The following SPPL3 variants were observed in gnomAD, a reference collection of about 807,000 sequenced individuals.
The protein encoded by SPPL3 is signal peptide peptidase like 3, also known as signal peptide peptidase-like 3.
A neutral mutation model predicts 42.4 loss-of-function variants in SPPL3; 5 were observed. The ratio of observed to expected loss-of-function variants is 0.12; its 90% CI spans 0.06 to 0.25. SPPL3 has a LOEUF of 0.25. Among genes scored for constraint, SPPL3 ranks in the 10% least tolerant of loss-of-function variants. The pLI is 1.00. For synonymous variants in SPPL3, 195 were observed against 181.8 expected, an observed-to-expected ratio of 1.07 and a Z score of -0.58; for missense variants, 235 against 489.0, an observed-to-expected ratio of 0.48 and a Z score of 4.90.
chr12:120,765,094 G>C lies in SPPL3; in HGVS notation c.1084-24C>G, dbSNP rs201368977. ...CCCTGGGAAACAAGGGACTTTCTAA[G>C]TTACAGATTTAAACATGAGGCACAC... On this transcript the variant is annotated intron_variant, in intron 10 of 10. Coordinates refer to ENST00000353487, the MANE Select transcript of SPPL3 (RefSeq NM_139015.5). 222 of 1,611,310 alleles carry C rather than the reference G, an allele frequency of 1.4e-4. 1 individual carries two copies. Among genetic ancestry groups the C allele is most frequent in the Admixed American group, 3.7e-4 (22 of 59,744 alleles).
intron 1 of SPPL3, among the ~76,000 whole-genome samples, chr12:120,842,718 G>A (rs573989022): frequency 2.0e-5 from 3 of 152,096 alleles, no homozygotes; most frequent in South Asian, 2.1e-4. Context: ...TCCCATTAAC[G>A]AGGGCTGTGC....
rs544876376 is a variant in SPPL3 at position 120,794,818 on chromosome 12, T to C, written c.102-3261A>G. 2.6e-5 allele frequency among the ~76,000 whole-genome samples: 4 copies of C among 152,324 alleles called. No homozygotes were observed. In the South Asian group the frequency reaches 8.3e-4, roughly 32 times the overall value. On this transcript the variant is annotated intron_variant, in intron 2 of 10. Transcript: ENST00000353487. Reference sequence around the variant, plus strand: ...TGTCCTATTTTATTTCCCCTTAACCTGACTTTGTTTGGATTAATATAGCAT... The same window carrying C: ...TGTCCTATTTTATTTCCCCTTAACCCGACTTTGTTTGGATTAATATAGCAT...
intron 2 of SPPL3, among the ~76,000 whole-genome samples, chr12:120,795,488 T>A (rs1293194397): frequency 3.3e-5 from 5 of 152,216 alleles, no homozygotes; most frequent in African/African-American, 4.8e-5. Context: ...TTAAAAGATA[T>A]TTTTGCTGTA....
At chr12:120,894,048 G>A (rs1295754410) in intron 1 of SPPL3, among the ~76,000 whole-genome samples, 1 of 152,146 alleles carries the variant, frequency 6.6e-6, no homozygotes, top group Non-Finnish European at 1.5e-5. Flanking sequence ...AGGGGGCCGG[G>A]TGCAGTGGGT....
chr12:120,881,482 A>AAAGAG (rs140589231), intron 1 of SPPL3, among the ~76,000 whole-genome samples: 2 of 128,004 alleles, frequency 1.6e-5, no homozygotes, highest in African/African-American at 5.4e-5. Flanking sequence ...AAAAAAAAAA[A>AAAGAG]AAGAGAAGAG....
chr12:120,838,353 TA>T (rs1356179680), intron 1 of SPPL3, among the ~76,000 whole-genome samples: 3 of 151,920 alleles, frequency 2.0e-5, no homozygotes, highest in Non-Finnish European at 4.4e-5. Context: ...CTTCCTCTCC[TA>T]GGAGAACCCT....
At chr12:120,773,663 T>C (rs1418124713) in intron 6 of SPPL3, among the ~76,000 whole-genome samples, 1 of 152,212 alleles carries the variant, frequency 6.6e-6, no homozygotes, top group Non-Finnish European at 1.5e-5. Context: ...TCTTGCTCTG[T>C]CGCCCACGCT....
intron 1 of SPPL3, among the ~76,000 whole-genome samples, chr12:120,889,800 TG>T (rs34133865): frequency 0.4 from 60,366 of 152,054 alleles, 14,036 homozygotes; most frequent in Middle Eastern, 0.56. Context: ...GTGATTGTTA[TG>T]AAGGTAGGTC....
intron 2 of SPPL3, among the ~76,000 whole-genome samples, chr12:120,805,815 T>C (rs1041753040): frequency 3.3e-5 from 5 of 152,184 alleles, no homozygotes; most frequent in Admixed American, 6.5e-5. Flanking sequence ...GTGCAAGCCT[T>C]GCACACTGAA....
chr12:120,867,426 G>C (rs1032601277), intron 1 of SPPL3, among the ~76,000 whole-genome samples: 1 of 152,102 alleles, frequency 6.6e-6, no homozygotes, highest in Non-Finnish European at 1.5e-5. Context: ...CAGCACTTTG[G>C]AAGGCCGAGG....
chr12:120,768,539 T>G lies in SPPL3; in HGVS notation c.610-51A>C, dbSNP rs752581338. 1.9e-5 allele frequency: 30 copies of G among 1,564,626 alleles called. No individual in the cohort carries two copies. The South Asian group carries it at 3.4e-4, about 18-fold the overall frequency. On this transcript the variant is annotated intron_variant, in intron 7 of 10. Transcript: ENST00000353487. The stretch of plus-strand genomic sequence containing the variant: ...ACAGAGGGAGTTGGAAGCAACCTGC[T>G]TTCAGCATCAGCCCTCCTTGCTCTT...
chr12:120,899,662 G>A lies in SPPL3; in HGVS notation c.23+4183C>T, dbSNP rs1005233659. ...TCCCAGCACTTTGGGAGGCTGAGGCGGGAGGATCACCTGAGGTCAGGAGAT... is the reference window on the plus strand; with the variant it reads ...TCCCAGCACTTTGGGAGGCTGAGGCAGGAGGATCACCTGAGGTCAGGAGAT... On this transcript the variant is annotated intron_variant, in intron 1 of 10. Transcript: ENST00000353487. Among the ~76,000 whole-genome samples, 5 of 151,640 alleles carry A rather than the reference G, an allele frequency of 3.3e-5. No homozygotes were observed. In the South Asian group the frequency reaches 6.3e-4, roughly 19 times the overall value.
rs1868787435 is a variant in SPPL3 at position 120,764,225 on chromosome 12, C to A, written c.*774G>T. On this transcript the variant is annotated 3_prime_UTR_variant, in exon 11 of 11. Transcript: ENST00000353487. ...AAGGAAGCCACAGTAAACTGCTCGA[C>A]ATGCTCAAAACGACAGCAAGCCCCT... 1 of 152,346 alleles carries A rather than the reference C, an allele frequency of 6.6e-6. No homozygotes were observed. Among genetic ancestry groups the A allele is most frequent in the Non-Finnish European group, 1.5e-5 (1 of 68,042 alleles). 9.4% of individuals were successfully genotyped at this position (152,346 alleles called of 1,614,324 possible). A position where few individuals can be genotyped will look rare whatever the true frequency, so the allele number is the denominator to read the frequency against.
At chr12:120,774,956 C>T (rs905736342) in intron 6 of SPPL3, among the ~76,000 whole-genome samples, 2 of 152,132 alleles carry the variant, frequency 1.3e-5, no homozygotes, top group Non-Finnish European at 2.9e-5. Flanking sequence ...CAATTTATCA[C>T]TGATATCTCT....
chr12:120,779,755 A>T (rs1018352270), intron 6 of SPPL3, among the ~76,000 whole-genome samples: 1 of 144,974 alleles, frequency 6.9e-6, no homozygotes, highest in Non-Finnish European at 1.5e-5. Flanking sequence ...CGGGTGGATC[A>T]CCTGAGGTCA....
At chr12:120,848,278 G>A (rs1016927888) in intron 1 of SPPL3, among the ~76,000 whole-genome samples, 2 of 152,170 alleles carry the variant, frequency 1.3e-5, no homozygotes, top group Admixed American at 6.5e-5. Context: ...TAATGTACAG[G>A]ATCAGGATAT....
intron 1 of SPPL3, among the ~76,000 whole-genome samples, chr12:120,834,470 A>T (rs1312443954): frequency 6.6e-6 from 1 of 152,200 alleles, no homozygotes. Flanking sequence ...GAGATAGGCC[A>T]TGAACAGCTT....
At chr12:120,867,273 C>T (rs889272981) in intron 1 of SPPL3, among the ~76,000 whole-genome samples, 1 of 152,180 alleles carries the variant, frequency 6.6e-6, no homozygotes, top group Non-Finnish European at 1.5e-5. Context: ...AAAGACACCT[C>T]CATGCATGGC....
At chr12:120,858,537 G>C (rs1459560414) in intron 1 of SPPL3, among the ~76,000 whole-genome samples, 1 of 151,420 alleles carries the variant, frequency 6.6e-6, no homozygotes, top group Non-Finnish European at 1.5e-5. Flanking sequence ...CTCAAAAGGG[G>C]TGATAAAACT....
Sources: allele counts gnomAD v4.1 joint callset (sites outside exome capture counted in the v4.1 genomes callset), GRCh38; gene constraint gnomAD v4.1.1; transcripts MANE v1.5; gene names NCBI Gene and HGNC (gene_info 2026-07-23, HGNC 2026-07-21).